EMCN: variants seen among roughly 807,000 people sequenced by gnomAD.
EMCN encodes endomucin.
In EMCN, 37 loss-of-function variants were observed where a neutral mutation model predicts 38.4. The observed-to-expected ratio is 0.96, with a 90% CI of 0.74 to 1.27. The LOEUF is 1.27. EMCN is among the 50% of genes most tolerant of loss of function. The pLI, the probability that EMCN is intolerant of heterozygous loss-of-function variation, is 0.00. For synonymous variants in EMCN, 95 were observed against 100.8 expected, an observed-to-expected ratio of 0.94 and a Z score of 0.35; for missense variants, 318 against 302.8, an observed-to-expected ratio of 1.05 and a Z score of -0.37.
chr4:100,422,990 T>C, intron 7 of EMCN, 31 bp downstream of exon 7: 1 of 1,606,422 alleles, frequency 6.2e-7, no homozygotes, highest in Non-Finnish European at 8.5e-7. Flanking sequence ...GCATATCTAC[T>C]GCCATGAATG....
chr4:100,425,197 T>G (rs1226119041), intron 5 of EMCN, among the ~76,000 whole-genome samples: 1 of 109,968 alleles, frequency 9.1e-6, no homozygotes, highest in Non-Finnish European at 1.9e-5. Flanking sequence ...TTACTGCTCA[T>G]GATCCAATAA....
Position 100,512,004 on chromosome 4 carries a change from A to G in EMCN, c.64+5847T>C, listed in dbSNP as rs1047742661. On this transcript the variant is annotated intron_variant, in intron 1 of 11. Coordinates refer to ENST00000296420, the MANE Select transcript of EMCN (RefSeq NM_016242.4). ...TCTAGTTCAGGCATCTGATAATGCCAGATTCTGAAATGCACCTTTATAACA... is the reference window on the plus strand; with the variant it reads ...TCTAGTTCAGGCATCTGATAATGCCGGATTCTGAAATGCACCTTTATAACA... Among the ~76,000 whole-genome samples, 5 of 152,342 alleles carry G rather than the reference A, an allele frequency of 3.3e-5. No homozygotes were observed. The East Asian group carries it at 9.7e-4, about 29-fold the overall frequency.
chr4:100,428,921 A>G (rs1727126348), intron 5 of EMCN, among the ~76,000 whole-genome samples: 1 of 152,154 alleles, frequency 6.6e-6, no homozygotes, highest in South Asian at 2.1e-4. Flanking sequence ...AACATGCAAT[A>G]AAGAATAAGT....
At chr4:100,479,853 G>A (rs572999072) in intron 2 of EMCN, 64 bp downstream of exon 2, 2 of 1,328,744 alleles carry the variant, frequency 1.5e-6, no homozygotes, top group East Asian at 2.4e-5. Flanking sequence ...TCATACTGAT[G>A]TATATACATA....
At chr4:100,426,377 A>T (rs1402823924) in intron 5 of EMCN, among the ~76,000 whole-genome samples, 2 of 152,116 alleles carry the variant, frequency 1.3e-5, no homozygotes, top group East Asian at 3.9e-4. Flanking sequence ...GGATTCCCTG[A>T]TGGTCTTGCT....
At chr4:100,405,886 C>T (rs1014521472) in intron 11 of EMCN, among the ~76,000 whole-genome samples, 2 of 151,922 alleles carry the variant, frequency 1.3e-5, no homozygotes, top group Admixed American at 6.6e-5. Flanking sequence ...TTTTTTATTA[C>T]TGATTCAATT....
At chr4:100,493,816 A>G (rs1274208644) in intron 1 of EMCN, among the ~76,000 whole-genome samples, 1 of 152,158 alleles carries the variant, frequency 6.6e-6, no homozygotes, top group Non-Finnish European at 1.5e-5. Context: ...AGTTTATTTA[A>G]ATTCACTCAA....
chr4:100,425,839 T>A (rs1727029984), intron 5 of EMCN, among the ~76,000 whole-genome samples: 2 of 152,086 alleles, frequency 1.3e-5, no homozygotes, highest in Admixed American at 6.6e-5. Context: ...AGTCAAGAAG[T>A]AGAGGAACTG....
chr4:100,445,635 A>G (rs2110240931), intron 5 of EMCN, among the ~76,000 whole-genome samples: 1 of 152,306 alleles, frequency 6.6e-6, no homozygotes, highest in East Asian at 1.9e-4. Flanking sequence ...CCTGCCTTTA[A>G]TCGCATGGAT....
intron 11 of EMCN, among the ~76,000 whole-genome samples, chr4:100,406,220 A>G (rs1306557900): frequency 6.6e-6 from 1 of 151,886 alleles, no homozygotes; most frequent in Non-Finnish European, 1.5e-5. Context: ...CATAGTTCTT[A>G]TCATCTCCAT....
intron 1 of EMCN, among the ~76,000 whole-genome samples, chr4:100,502,720 T>C (rs1195999851): frequency 6.6e-6 from 1 of 152,232 alleles, no homozygotes; most frequent in Admixed American, 6.5e-5. Flanking sequence ...GCTACAGTTT[T>C]TGAAGCTGCT....
chr4:100,463,351 C>T (rs558402485), intron 4 of EMCN, among the ~76,000 whole-genome samples: 13 of 152,114 alleles, frequency 8.5e-5, no homozygotes, highest in Admixed American at 2.0e-4. Flanking sequence ...CGCAGACTCC[C>T]ACTACTAAAC....
intron 3 of EMCN, among the ~76,000 whole-genome samples, chr4:100,473,365 GTTTTTTTGTTTTT>G (rs796951053): frequency 0.091 from 2,725 of 29,868 alleles, 149 homozygotes; most frequent in African/African-American, 0.21. Context: ...CCCGTTTCGT[GTTTTTTTGTTTTT>G]TTTTTTTGTT....
chr4:100,482,163 A>G (rs1486477856), intron 1 of EMCN, among the ~76,000 whole-genome samples: 2 of 152,190 alleles, frequency 1.3e-5, no homozygotes, highest in Admixed American at 6.5e-5. Context: ...AGGTTGTGAT[A>G]CAATTAAAGA....
chr4:100,404,228 G>A (rs183546766), intron 11 of EMCN, among the ~76,000 whole-genome samples: 9 of 152,118 alleles, frequency 5.9e-5, no homozygotes, highest in Admixed American at 6.6e-5. Context: ...GTTGATTTTT[G>A]TATATGATAA....
chr4:100,436,995 CA>C (rs1727371761), intron 5 of EMCN, among the ~76,000 whole-genome samples: 1 of 152,088 alleles, frequency 6.6e-6, no homozygotes, highest in Admixed American at 6.6e-5. Context: ...AACAAACCTG[CA>C]CATCTGCACA....
At chr4:100,418,391 T>C (rs1255191733) in intron 8 of EMCN, among the ~76,000 whole-genome samples, 1 of 152,176 alleles carries the variant, frequency 6.6e-6, no homozygotes, top group East Asian at 1.9e-4. Context: ...ATCCTTCGTG[T>C]TACAAACAGT....
At chr4:100,422,822 C>CTTTTT (rs71878999) in intron 7 of EMCN, among the ~76,000 whole-genome samples, 199 bp downstream of exon 7, 8 of 122,668 alleles carry the variant, frequency 6.5e-5, no homozygotes, top group African/African-American at 8.2e-5. Context: ...TCTTTCTTTT[C>CTTTTT]TTTTTTTTTT....
At chr4:100,433,397 A>G (rs1189910747) in intron 5 of EMCN, among the ~76,000 whole-genome samples, 1 of 152,188 alleles carries the variant, frequency 6.6e-6, no homozygotes, top group Non-Finnish European at 1.5e-5. Context: ...CTTGGCTGTC[A>G]TGAAAATGGG....
Sources: gnomAD v4.1 joint callset for allele counts (sites outside exome capture counted in the v4.1 genomes callset) on GRCh38, gnomAD v4.1.1 for gene constraint, MANE v1.5 for transcripts, NCBI Gene and HGNC (gene_info 2026-07-23, HGNC 2026-07-21) for gene names.